SCAPER: variants seen among roughly 807,000 people sequenced by gnomAD.
The protein encoded by SCAPER is S phase cyclin A-associated protein in the endoplasmic reticulum.
In SCAPER, 98 loss-of-function variants were observed where a neutral mutation model predicts 182.2. That is an observed-to-expected ratio of 0.54 (90% CI 0.46 to 0.64). The LOEUF is 0.64. Ranked by LOEUF, SCAPER falls within the 30% of genes least tolerant of loss-of-function variation. The pLI, the probability that SCAPER is intolerant of heterozygous loss-of-function variation, is 0.00. For synonymous variants in SCAPER, 605 were observed against 564.6 expected (o/e 1.07, Z -1.01); for missense variants, 1,432 against 1,690.0 (o/e 0.85, Z 2.68).
rs771019035 is a variant in SCAPER, at chr15:76,574,323, A to C, written c.2712-39T>G. The C allele has an allele frequency of 3.1e-6, 5 of 1,595,748 alleles. No homozygotes were observed. In the South Asian group the frequency reaches 4.5e-5, roughly 14 times the overall value. The stretch of plus-strand genomic sequence containing the variant: ...TGAAAGGAAAGAATGACATTAATGA[A>C]ACAGACTATAATCTTCATTTCCCAA... On this transcript the variant is annotated intron_variant, in intron 22 of 31. Transcript: ENST00000563290.
At chr15:76,812,281 C>T (rs927860286) in intron 5 of SCAPER, among the ~76,000 whole-genome samples, 3 of 151,314 alleles carry the variant, frequency 2.0e-5, no homozygotes, top group African/African-American at 4.9e-5. Context: ...GCCACTGCAC[C>T]CCAGCCTGGG....
At chr15:76,744,973 T>G (rs1220042506) in intron 15 of SCAPER, among the ~76,000 whole-genome samples, 5 of 151,988 alleles carry the variant, frequency 3.3e-5, no homozygotes, top group Non-Finnish European at 7.4e-5. Context: ...AAAAGAAGAA[T>G]GAAATTGTAT....
At chr15:76,880,547 T>C (rs1369691627) in intron 2 of SCAPER, among the ~76,000 whole-genome samples, 1 of 152,210 alleles carries the variant, frequency 6.6e-6, no homozygotes, top group East Asian at 1.9e-4. Context: ...TAAGCATTTT[T>C]CATTTACTTT....
At chr15:76,814,375 G>A (rs1259897153) in intron 5 of SCAPER, among the ~76,000 whole-genome samples, 1 of 152,112 alleles carries the variant, frequency 6.6e-6, no homozygotes, top group Non-Finnish European at 1.5e-5. Context: ...CAAATCAACA[G>A]TAATCTAAAC....
intron 5 of SCAPER, 89 bp downstream of exon 5, chr15:76,841,645 T>C: frequency 7.3e-7 from 1 of 1,367,028 alleles, no homozygotes; most frequent in Middle Eastern, 1.8e-4. Context: ...AAACTCCATC[T>C]CAAAGAAAAA....
chr15:76,637,400 T>C (rs929867850), intron 21 of SCAPER, among the ~76,000 whole-genome samples: 2 of 152,094 alleles, frequency 1.3e-5, no homozygotes, highest in Non-Finnish European at 2.9e-5. Context: ...CTCTACATTC[T>C]TGTTACCGTC....
At chr15:76,642,016 C>T (rs1218109775) in intron 21 of SCAPER, among the ~76,000 whole-genome samples, 1 of 152,092 alleles carries the variant, frequency 6.6e-6, no homozygotes, top group Non-Finnish European at 1.5e-5. Flanking sequence ...GTTGTCATCC[C>T]TAAAATAAGC....
intron 5 of SCAPER, among the ~76,000 whole-genome samples, chr15:76,816,733 A>G (rs1220779061): frequency 1.3e-5 from 2 of 151,692 alleles, no homozygotes; most frequent in East Asian, 1.9e-4. Flanking sequence ...GCTCACTGCA[A>G]GCTCCACCTC....
intron 23 of SCAPER, among the ~76,000 whole-genome samples, chr15:76,513,164 C>G (rs1434918573): frequency 6.6e-6 from 1 of 152,086 alleles, no homozygotes; most frequent in African/African-American, 2.4e-5. Flanking sequence ...TCTTTGCAGC[C>G]CCAGTCCTGG....
intron 29 of SCAPER, among the ~76,000 whole-genome samples, chr15:76,369,261 A>G (rs1733726817): frequency 6.6e-6 from 1 of 152,218 alleles, no homozygotes; most frequent in Admixed American, 6.5e-5. Flanking sequence ...TCCCAGTAGG[A>G]AATCTATGAT....
At chr15:76,460,407 G>A (rs1237100581) in intron 25 of SCAPER, among the ~76,000 whole-genome samples, 1 of 151,992 alleles carries the variant, frequency 6.6e-6, no homozygotes, top group Non-Finnish European at 1.5e-5. Context: ...AGTTGATTTT[G>A]TATTCTGCAA....
At chr15:76,373,133 C>G (rs1221955493) in intron 29 of SCAPER, among the ~76,000 whole-genome samples, 1 of 151,538 alleles carries the variant, frequency 6.6e-6, no homozygotes, top group Non-Finnish European at 1.5e-5. Flanking sequence ...CTGCAACCTC[C>G]GCCTCCCACG....
At chr15:76,471,375 A>G (rs1238787470) in intron 24 of SCAPER, 40 bp from the exon 25 acceptor site, 2 of 1,570,862 alleles carry the variant, frequency 1.3e-6, no homozygotes, top group Non-Finnish European at 1.7e-6. Flanking sequence ...AAACCCGAGC[A>G]GCTCTTCTTT....
At chr15:76,660,369 CA>C (rs939076537) in intron 21 of SCAPER, among the ~76,000 whole-genome samples, 51 of 152,130 alleles carry the variant, frequency 3.4e-4, no homozygotes, top group African/African-American at 1.1e-3. Context: ...TAAAGCTGCC[CA>C]AATACCCCTG....
intron 22 of SCAPER, among the ~76,000 whole-genome samples, chr15:76,609,006 C>T (rs1033268530): frequency 3.7e-4 from 57 of 152,302 alleles, no homozygotes; most frequent in African/African-American, 1.1e-3. Flanking sequence ...CTTCGGCTCG[C>T]GCACAGTGCG....
At chr15:76,839,695 A>G (rs2069278734) in intron 5 of SCAPER, among the ~76,000 whole-genome samples, 1 of 152,180 alleles carries the variant, frequency 6.6e-6, no homozygotes, top group African/African-American at 2.4e-5. Flanking sequence ...TATAACTTAC[A>G]CACAAAAAAA....
intron 25 of SCAPER, among the ~76,000 whole-genome samples, chr15:76,461,444 T>A (rs1004655936): frequency 1.3e-5 from 2 of 151,944 alleles, no homozygotes. Flanking sequence ...CACTGATGAT[T>A]CTCTCCTGCA....
rs1411923741 is a variant in SCAPER, at chr15:76,537,756, C to G, written c.2839-32782G>C. 1.6e-4 allele frequency among the ~76,000 whole-genome samples: 25 copies of G among 152,164 alleles called. No individual in the cohort carries two copies. In the East Asian group the frequency reaches 2.9e-3, roughly 18 times the overall value. Reference sequence around the variant, plus strand: ...ACTAAAGAGCTTCTGCACAGCAAAACAAACTACCATCAGAGTGAACAGGCA... The same window carrying G: ...ACTAAAGAGCTTCTGCACAGCAAAAGAAACTACCATCAGAGTGAACAGGCA... On this transcript the variant is annotated intron_variant, in intron 23 of 31. Coordinates refer to ENST00000563290, the MANE Select transcript of SCAPER (RefSeq NM_020843.4).
intron 5 of SCAPER, among the ~76,000 whole-genome samples, chr15:76,829,392 T>G (rs1373854471): frequency 6.6e-6 from 1 of 152,188 alleles, no homozygotes; most frequent in East Asian, 1.9e-4. Context: ...TTGGAGAATC[T>G]AAATATTAAT....
Sources: allele counts gnomAD v4.1 joint callset (sites outside exome capture counted in the v4.1 genomes callset), GRCh38; gene constraint gnomAD v4.1.1; transcripts MANE v1.5; gene names NCBI Gene and HGNC (gene_info 2026-07-23, HGNC 2026-07-21).